The following UPF3A variants were observed in gnomAD, a reference collection of about 807,000 sequenced individuals.
UPF3A encodes UPF3A regulator of nonsense mediated mRNA decay.
UPF3A carries 42 observed loss-of-function variants against 53.5 expected under a neutral mutation model. That is an observed-to-expected ratio of 0.78 (90% CI 0.61 to 1.01). UPF3A has a LOEUF of 1.01. UPF3A is among the 50% of genes least tolerant of loss of function. UPF3A has a pLI of 0.00. For missense variants in UPF3A, 575 were observed against 598.0 expected, an observed-to-expected ratio of 0.96 and a Z score of 0.40; for synonymous variants, 237 against 225.3, an observed-to-expected ratio of 1.05 and a Z score of -0.47.
Position 114,281,679 on chromosome 13 carries a change from G to A in UPF3A, c.40G>A (p.Ala14Thr). 6.5e-7 allele frequency: 1 copy of A among 1,532,932 alleles called. No individual in the cohort carries two copies. The highest frequency in any genetic ancestry group is 1.8e-4 in the Middle Eastern group (1 of 5,410). The allele number at this position is 1,532,932 out of a possible 1,614,324, so 95.0% of individuals were successfully genotyped here. A position where few individuals can be genotyped will look rare whatever the true frequency, so the allele number is the denominator to read the frequency against. Residue 14 changes from alanine to threonine, a missense_variant, in exon 1 of 10, where the codon GCC becomes ACC. Around this residue, in one of 2 missense-constraint regions of UPF3A, gnomAD observed 252 missense variants for 182.7 expected, o/e 1.38. Transcript: ENST00000375299. ...GGAGGGGGCCGGAGGCCTTCGGGCG[G>A]CCGTTGCCGCGCGGGGCCCGAGCGG... is the stretch of plus-strand genomic sequence containing the variant. The part of the protein sequence containing the change: ...EKEGAGGLRA[A>T]VAARGPSGRE...
At chr13:114,301,314 T>C (rs1488739768) in intron 8 of UPF3A, among the ~76,000 whole-genome samples, 1 of 151,834 alleles carries the variant, frequency 6.6e-6, no homozygotes, top group Admixed American at 6.6e-5. Context: ...ACACAAAAAA[T>C]TAGCCGGGCG....
chr13:114,290,895 G>A (rs1317630030), intron 5 of UPF3A, among the ~76,000 whole-genome samples: 3 of 151,840 alleles, frequency 2.0e-5, no homozygotes, highest in Non-Finnish European at 2.9e-5. Context: ...CATCACGCCC[G>A]GCTAATTTTG....
intron 5 of UPF3A, among the ~76,000 whole-genome samples, chr13:114,289,887 CATTTT>C (rs1404912170): frequency 2.6e-5 from 4 of 152,316 alleles, no homozygotes; most frequent in African/African-American, 9.6e-5. Flanking sequence ...ATAGGGCAGA[CATTTT>C]ATAGGAAGAG....
chr13:114,303,850 G>C (rs1011545308), intron 9 of UPF3A, among the ~76,000 whole-genome samples: 2 of 152,330 alleles, frequency 1.3e-5, no homozygotes, highest in Middle Eastern at 3.4e-3. Context: ...CCAGGGGCCT[G>C]CTGAGCCTGT....
intron 3 of UPF3A, chr13:114,283,246 C>T (rs2084309784): frequency 4.8e-6 from 1 of 209,272 alleles, no homozygotes; most frequent in Non-Finnish European, 9.7e-6. Flanking sequence ...TCTTGAACTC[C>T]TGGCTTCAAG....
rs770433580 is a variant in UPF3A at position 114,302,023 on chromosome 13, A to G, written c.1300A>G (p.Lys434Glu). 14 of 1,514,748 alleles carry G rather than the reference A, an allele frequency of 9.2e-6. No homozygotes were observed. Among genetic ancestry groups the G allele is most frequent in the Admixed American group, 2.3e-5 (1 of 43,962 alleles). The allele number at this position is 1,514,748 out of a possible 1,614,324, so 93.8% of individuals were successfully genotyped here. A position where few individuals can be genotyped will look rare whatever the true frequency, so the allele number is the denominator to read the frequency against. The change falls in exon 9 of 10, where the codon AAG becomes GAG. Residue 434 changes from lysine (K) to glutamate (E), a missense_variant and splice_region_variant. By Grantham distance (56) the Lys-to-Glu change is moderately conservative. Transcript: ENST00000375299. ...PAPRKERLAN[K>E]DRPALQLYDP... ...ACCCAGAAAAGAGCGACTGGCAAACAAGGTTTTTATTAAACCCAAAAAGAA... is the reference window on the plus strand; with the variant it reads ...ACCCAGAAAAGAGCGACTGGCAAACGAGGTTTTTATTAAACCCAAAAAGAA...
chr13:114,288,648 A>C (rs1431608181), intron 5 of UPF3A, among the ~76,000 whole-genome samples: 1 of 151,974 alleles, frequency 6.6e-6, no homozygotes, highest in African/African-American at 2.4e-5. Flanking sequence ...TGGTGGTGTC[A>C]CATGGGATAG....
chr13:114,286,331 G>T lies in UPF3A; in HGVS notation c.451G>T (p.Ala151Ser), dbSNP rs2084686351. The change falls in exon 4 of 10, where the codon GCT (alanine) becomes TCT (serine). Residue 151 changes from alanine (A) to serine (S), a missense_variant. Ala to Ser is a moderately conservative substitution (Grantham distance 99). Coordinates refer to ENST00000375299, the MANE Select transcript of UPF3A (RefSeq NM_023011.4). ...GLEYPAVVEF[A>S]PFQKIAKKKL... is the part of the protein sequence containing the mutation. ...AGAATATCCTGCAGTGGTAGAGTTT[G>T]CTCCATTCCAGAAGATAGCCAAAAA... 6.2e-7 allele frequency: 1 copy of T among 1,614,032 alleles called. No individual in the cohort carries two copies. Among genetic ancestry groups the T allele is most frequent in the African/African-American group, 1.3e-5 (1 of 74,916 alleles).
At chr13:114,292,250 A>T (rs1379066139) in intron 7 of UPF3A, among the ~76,000 whole-genome samples, 1 of 141,724 alleles carries the variant, frequency 7.1e-6, no homozygotes, top group Non-Finnish European at 1.5e-5. Flanking sequence ...GATGTGTCAC[A>T]TGTTCATTTT....
intron 7 of UPF3A, 115 bp downstream of exon 7, chr13:114,291,907 G>A: frequency 2.3e-6 from 3 of 1,303,472 alleles, no homozygotes; most frequent in Non-Finnish European, 3.1e-6. Context: ...ATCTAATATT[G>A]TGTTGTTATT....
intron 7 of UPF3A, among the ~76,000 whole-genome samples, chr13:114,298,075 A>G (rs2086225732): frequency 6.6e-6 from 1 of 152,016 alleles, no homozygotes; most frequent in East Asian, 2.0e-4. Context: ...GTGTGTGAAC[A>G]TAAATAGAAG....
At chr13:114,291,395 C>A in intron 5 of UPF3A, 94 bp from the exon 6 acceptor site, 1 of 1,189,694 alleles carries the variant, frequency 8.4e-7, no homozygotes, top group South Asian at 1.7e-5. Context: ...TGATATGGTT[C>A]CCGTATTTAT....
At chr13:114,296,855 A>G (rs536582946) in intron 7 of UPF3A, among the ~76,000 whole-genome samples, 2 of 152,342 alleles carry the variant, frequency 1.3e-5, no homozygotes, top group East Asian at 3.9e-4. Flanking sequence ...AACAGTTCCT[A>G]GGCACACAGA....
At chr13:114,304,325 C>T (rs1360420517) in intron 9 of UPF3A, among the ~76,000 whole-genome samples, 1 of 152,168 alleles carries the variant, frequency 6.6e-6, no homozygotes, top group Non-Finnish European at 1.5e-5. Context: ...TATTGCTTCA[C>T]CTCCAGGAGT....
At chr13:114,282,712 T>A in intron 2 of UPF3A, 125 bp from the exon 3 acceptor site, 1 of 1,494,702 alleles carries the variant, frequency 6.7e-7, no homozygotes, top group Non-Finnish European at 8.9e-7. Flanking sequence ...TACAATTAAC[T>A]GAGATGATTT....
chr13:114,304,733 T>A, intron 9 of UPF3A, 56 bp from the exon 10 acceptor site: 1 of 1,587,176 alleles, frequency 6.3e-7, no homozygotes, highest in Non-Finnish European at 8.6e-7. Flanking sequence ...AGGGAGATAT[T>A]GACCCTTCTG....
At position 114,286,469 on chromosome 13, in the gene UPF3A, CGT is replaced by C. The variant is rs774167152; in HGVS notation, c.521-49_521-48del. On this transcript the variant is annotated intron_variant, in intron 4 of 9. Transcript: ENST00000375299. The stretch of plus-strand genomic sequence containing the variant: ...GAACACTGAGCAAATGTAATTCTCC[CGT>C]AGTTGGGAAAGATTATATTTATTTT... 1.9e-6 allele frequency: 3 copies of C among 1,610,660 alleles called. No individual in the cohort carries two copies. In the Admixed American group the frequency reaches 5.0e-5, roughly 27 times the overall value.
chr13:114,286,719 C>A, intron 5 of UPF3A, 90 bp downstream of exon 5: 1 of 1,028,208 alleles, frequency 9.7e-7, no homozygotes, highest in Non-Finnish European at 1.4e-6. Flanking sequence ...ACTGTGATAA[C>A]AAGTTGAAAC....
intron 7 of UPF3A, among the ~76,000 whole-genome samples, chr13:114,294,750 G>A (rs1482580500): frequency 2.0e-5 from 3 of 151,844 alleles, no homozygotes; most frequent in African/African-American, 4.8e-5. Flanking sequence ...GCTTGAACCT[G>A]GGAGGCAGAG....
Sources: gnomAD v4.1 joint callset for allele counts (sites outside exome capture counted in the v4.1 genomes callset) on GRCh38, gnomAD v4.1.1 for gene constraint, gnomAD v4.1.1 regional missense constraint, MANE v1.5 for transcripts, NCBI Gene and HGNC (gene_info 2026-07-23, HGNC 2026-07-21) for gene names.